The following TMEFF2 variants were observed in gnomAD, a reference collection of about 807,000 sequenced individuals.
TMEFF2 encodes transmembrane protein with EGF like and two follistatin like domains 2, also known as tomoregulin-2.
TMEFF2 carries 28 observed loss-of-function variants against 53.8 expected under a neutral mutation model. The ratio of observed to expected loss-of-function variants is 0.52; its 90% CI spans 0.39 to 0.71. TMEFF2 has a LOEUF of 0.71. TMEFF2 is among the 30% of genes least tolerant of loss of function. TMEFF2 has a pLI of 0.00. For missense variants in TMEFF2, 353 were observed against 455.2 expected (o/e 0.78, Z 2.04); for synonymous variants, 162 against 166.3 (o/e 0.97, Z 0.20).
chr2:192,192,640 T>G (rs996027364), intron 1 of TMEFF2, among the ~76,000 whole-genome samples: 2 of 152,190 alleles, frequency 1.3e-5, no homozygotes, highest in Non-Finnish European at 2.9e-5. Flanking sequence ...GTTTATGCAG[T>G]CCCCTTTAAA....
At chr2:191,998,399 A>AC in intron 6 of TMEFF2, 78 bp from the exon 7 acceptor site, 1 of 1,067,456 alleles carries the variant, frequency 9.4e-7, no homozygotes, top group South Asian at 1.5e-5. Context: ...ATTTCCTCCA[A>AC]CAATATCTTC....
chr2:192,104,227 A>C (rs1414334381), intron 4 of TMEFF2, among the ~76,000 whole-genome samples: 1 of 152,142 alleles, frequency 6.6e-6, no homozygotes, highest in Admixed American at 6.6e-5. Flanking sequence ...TTGCTGACAG[A>C]AGTAGCGTTT....
chr2:192,145,692 A>C (rs1031253438), intron 4 of TMEFF2, among the ~76,000 whole-genome samples: 1 of 152,026 alleles, frequency 6.6e-6, no homozygotes, highest in Non-Finnish European at 1.5e-5. Flanking sequence ...CAGATTACTC[A>C]CTTTAAATAC....
At chr2:192,065,952 G>A (rs1382991832) in intron 4 of TMEFF2, among the ~76,000 whole-genome samples, 1 of 151,670 alleles carries the variant, frequency 6.6e-6, no homozygotes, top group African/African-American at 2.4e-5. Context: ...TGAGTAAGTT[G>A]TATTTAAATG....
At chr2:192,163,115 T>C (rs1416213595) in intron 4 of TMEFF2, among the ~76,000 whole-genome samples, 1 of 152,202 alleles carries the variant, frequency 6.6e-6, no homozygotes, top group Non-Finnish European at 1.5e-5. Context: ...ACTTTCTATA[T>C]TGCTCTGTGA....
chr2:191,980,106 C>T (rs981382133), intron 7 of TMEFF2, among the ~76,000 whole-genome samples: 3 of 152,148 alleles, frequency 2.0e-5, no homozygotes, highest in Non-Finnish European at 4.4e-5. Flanking sequence ...ACTGCATTTA[C>T]AGGGAGGAGC....
At chr2:191,980,236 T>C (rs1427002978) in intron 7 of TMEFF2, among the ~76,000 whole-genome samples, 1 of 152,076 alleles carries the variant, frequency 6.6e-6, no homozygotes, top group African/African-American at 2.4e-5. Context: ...AAGGAAATAA[T>C]ACACTATTGG....
chr2:192,153,848 T>C (rs899917601), intron 4 of TMEFF2, among the ~76,000 whole-genome samples: 1 of 151,894 alleles, frequency 6.6e-6, no homozygotes, highest in Admixed American at 6.6e-5. Flanking sequence ...TGATGCCTAC[T>C]TGGGAACGCA....
chr2:192,091,194 C>T (rs144866963), intron 4 of TMEFF2, among the ~76,000 whole-genome samples: 6 of 152,082 alleles, frequency 3.9e-5, no homozygotes, highest in Non-Finnish European at 7.4e-5. Flanking sequence ...GTACTTCCCC[C>T]GTGTGTATCT....
chr2:192,040,130 A>C (rs1474549415), intron 5 of TMEFF2, among the ~76,000 whole-genome samples: 1 of 152,138 alleles, frequency 6.6e-6, no homozygotes, highest in Non-Finnish European at 1.5e-5. Flanking sequence ...AGAATTCAGA[A>C]CTGGTAAAAG....
intron 7 of TMEFF2, among the ~76,000 whole-genome samples, chr2:191,978,527 T>C (rs777074804): frequency 3.9e-5 from 6 of 152,162 alleles, no homozygotes; most frequent in East Asian, 1.9e-4. Flanking sequence ...CCTTTGACTA[T>C]TGAATTTTCC....
chr2:192,051,507 A>T (rs1426200935), intron 5 of TMEFF2, among the ~76,000 whole-genome samples: 1 of 152,222 alleles, frequency 6.6e-6, no homozygotes, highest in Non-Finnish European at 1.5e-5. Context: ...TTCAATTGTC[A>T]ACCAGGAGTG....
At chr2:191,963,632 C>T (rs1446883514) in intron 7 of TMEFF2, among the ~76,000 whole-genome samples, 1 of 152,170 alleles carries the variant, frequency 6.6e-6, no homozygotes, top group Admixed American at 6.5e-5. Flanking sequence ...GTCTGAATAA[C>T]ACAGATAGAA....
intron 4 of TMEFF2, among the ~76,000 whole-genome samples, chr2:192,170,325 T>C (rs892425613): frequency 2.0e-5 from 3 of 152,214 alleles, no homozygotes; most frequent in Middle Eastern, 3.4e-3. Flanking sequence ...CTGGAGAGGA[T>C]AGTCAGCATA....
intron 2 of TMEFF2, among the ~76,000 whole-genome samples, chr2:192,185,573 G>A (rs1344735524): frequency 6.6e-6 from 1 of 151,998 alleles, no homozygotes; most frequent in Non-Finnish European, 1.5e-5. Context: ...AATACAGTGA[G>A]ATGGGTAGTA....
chr2:192,080,993 A>G (rs1008104714), intron 4 of TMEFF2, among the ~76,000 whole-genome samples: 2 of 152,192 alleles, frequency 1.3e-5, no homozygotes, highest in African/African-American at 4.8e-5. Context: ...ATTAGCATTC[A>G]TTGCAATAAT....
chr2:192,134,305 A>C (rs543371280), intron 4 of TMEFF2, among the ~76,000 whole-genome samples: 1 of 152,028 alleles, frequency 6.6e-6, no homozygotes, highest in Non-Finnish European at 1.5e-5. Flanking sequence ...CCTGATCCCC[A>C]TGACTGCATC....
intron 4 of TMEFF2, among the ~76,000 whole-genome samples, chr2:192,088,192 A>AT (rs58485065): frequency 1.5e-3 from 223 of 150,082 alleles, no homozygotes; most frequent in African/African-American, 4.4e-3. Flanking sequence ...TCAAATAGTT[A>AT]TTTTTTTTTT....
intron 4 of TMEFF2, among the ~76,000 whole-genome samples, chr2:192,150,042 C>G (rs546487663): frequency 6.6e-6 from 1 of 152,058 alleles, no homozygotes; most frequent in African/African-American, 2.4e-5. Flanking sequence ...CTATTTAGAA[C>G]TGATATTAAT....
Sources: allele counts gnomAD v4.1 joint callset (sites outside exome capture counted in the v4.1 genomes callset), GRCh38; gene constraint gnomAD v4.1.1; transcripts MANE v1.5; gene names NCBI Gene and HGNC (gene_info 2026-07-23, HGNC 2026-07-21).